NEBL: variants seen among roughly 807,000 people sequenced by gnomAD.
The protein encoded by NEBL is LIM and SH3 protein 2.
A neutral mutation model predicts 140.2 loss-of-function variants in NEBL; 122 were observed. The ratio of observed to expected loss-of-function variants is 0.87; its 90% confidence interval spans 0.75 to 1.01. The LOEUF is 1.01. Among genes scored for constraint, NEBL ranks in the 50% least tolerant of loss-of-function variants. The pLI, the probability that NEBL is intolerant of heterozygous loss-of-function variation, is 0.00. For synonymous variants in NEBL, 436 were observed against 398.9 expected (o/e 1.09, Z -1.11); for missense variants, 1,365 against 1,231.3 (o/e 1.11, Z -1.62).
chr10:20,810,377 A>G (rs1307978486), intron 24 of NEBL, among the ~76,000 whole-genome samples: 2 of 152,192 alleles, frequency 1.3e-5, no homozygotes, highest in Non-Finnish European at 2.9e-5. Flanking sequence ...ACAAAAAAAA[A>G]GTCCCTTTCT....
intron 3 of NEBL, among the ~76,000 whole-genome samples, chr10:21,006,229 G>A (rs143039229): frequency 7.2e-5 from 11 of 152,102 alleles, no homozygotes; most frequent in Non-Finnish European, 1.0e-4. Context: ...TACTACAAAC[G>A]GTGCTGTCAT....
At chr10:20,903,340 G>A (rs1847954970) in intron 4 of NEBL, among the ~76,000 whole-genome samples, 1 of 152,142 alleles carries the variant, frequency 6.6e-6, no homozygotes, top group South Asian at 2.1e-4. Flanking sequence ...GGTCAGAATG[G>A]CTATTACTAA....
At chr10:21,008,034 A>G (rs7079790) in intron 3 of NEBL, among the ~76,000 whole-genome samples, 41,206 of 152,136 alleles carry the variant, frequency 0.27, 10,904 homozygotes, top group African/African-American at 0.67. Flanking sequence ...CATAACAAAA[A>G]AGAAAAGACA....
At chr10:20,818,259 TCAA>T (rs1352520828) in intron 20 of NEBL, among the ~76,000 whole-genome samples, 2 of 131,692 alleles carry the variant, frequency 1.5e-5, no homozygotes, top group African/African-American at 5.6e-5. Context: ...TGGTGAAAGT[TCAA>T]CAATATGTTC....
intron 14 of NEBL, among the ~76,000 whole-genome samples, chr10:20,832,236 C>A (rs1251534276): frequency 6.6e-5 from 10 of 152,222 alleles, no homozygotes; most frequent in Admixed American, 6.5e-4. Flanking sequence ...ATCACCCACA[C>A]TGCAGAATTG....
At chr10:21,235,484 T>G (rs1842335975) in intron 3 of NEBL, among the ~76,000 whole-genome samples, 1 of 152,086 alleles carries the variant, frequency 6.6e-6, no homozygotes, top group Non-Finnish European at 1.5e-5. Context: ...CCAGCTAATT[T>G]TTGTATTGTT....
intron 24 of NEBL, among the ~76,000 whole-genome samples, chr10:20,811,003 A>C (rs1838084960): frequency 6.6e-6 from 1 of 152,206 alleles, no homozygotes; most frequent in African/African-American, 2.4e-5. Context: ...TCCAACAAAA[A>C]TAGAAGCAGC....
chr10:21,249,134 T>C (rs1842555171), intron 2 of NEBL, among the ~76,000 whole-genome samples: 1 of 152,166 alleles, frequency 6.6e-6, no homozygotes, highest in Non-Finnish European at 1.5e-5. Flanking sequence ...TCTGAAGTGA[T>C]CCTGCCACCT....
At chr10:21,101,691 C>T (rs1259202879) in intron 2 of NEBL, among the ~76,000 whole-genome samples, 1 of 152,170 alleles carries the variant, frequency 6.6e-6, no homozygotes, top group Non-Finnish European at 1.5e-5. Flanking sequence ...TGTACCCCCA[C>T]AATTTATGTT....
chr10:20,884,029 T>C (rs900651538), intron 4 of NEBL, among the ~76,000 whole-genome samples: 4 of 152,236 alleles, frequency 2.6e-5, no homozygotes, highest in Non-Finnish European at 4.4e-5. Context: ...CCTAGATTAA[T>C]GCTGTTTTCT....
chr10:20,834,685 G>A (rs1429215810), intron 14 of NEBL, among the ~76,000 whole-genome samples: 1 of 152,170 alleles, frequency 6.6e-6, no homozygotes, highest in African/African-American at 2.4e-5. Context: ...CTTGAGATAA[G>A]TGAACAGGAC....
At chr10:21,262,595 A>G (rs1842753131) in intron 1 of NEBL, among the ~76,000 whole-genome samples, 1 of 152,198 alleles carries the variant, frequency 6.6e-6, no homozygotes, top group Admixed American at 6.5e-5. Flanking sequence ...ATAGGGCTGA[A>G]TTTTCTCTCA....
chr10:21,131,125 CATTT>C (rs1215966528), intron 2 of NEBL, among the ~76,000 whole-genome samples: 1 of 152,126 alleles, frequency 6.6e-6, no homozygotes, highest in Non-Finnish European at 1.5e-5. Context: ...TATGCTCACA[CATTT>C]ATTAACCAAG....
chr10:20,818,870 A>C (rs1415729417), intron 20 of NEBL: 1 of 989,798 alleles, frequency 1.0e-6, no homozygotes, highest in African/African-American at 1.7e-5. Context: ...ACATCCAAAA[A>C]TGCAGAGGGT....
chr10:21,284,467 T>C (rs888820082), intron 1 of NEBL, among the ~76,000 whole-genome samples: 7 of 150,062 alleles, frequency 4.7e-5, no homozygotes, highest in African/African-American at 1.7e-4. Flanking sequence ...CTTATTTCTC[T>C]TCTTAAATCC....
chr10:20,853,923 T>C (rs1459030445), intron 9 of NEBL, among the ~76,000 whole-genome samples: 1 of 152,176 alleles, frequency 6.6e-6, no homozygotes, highest in Non-Finnish European at 1.5e-5. Context: ...CGACAAATGC[T>C]TGAACTGATG....
intron 4 of NEBL, among the ~76,000 whole-genome samples, chr10:20,950,810 T>C (rs1172579653): frequency 6.6e-6 from 1 of 152,210 alleles, no homozygotes; most frequent in Non-Finnish European, 1.5e-5. Flanking sequence ...ATTGATTCTA[T>C]CAAAAATGAC....
At chr10:20,822,854 C>T (rs181060789) in intron 19 of NEBL, among the ~76,000 whole-genome samples, 75 of 152,142 alleles carry the variant, frequency 4.9e-4, no homozygotes, top group African/African-American at 1.7e-3. Flanking sequence ...TGCATAGTGG[C>T]GATGTCTGGG....
chr10:21,056,114 G>A lies in NEBL; in HGVS notation c.165-35913C>T, dbSNP rs532186043. ...ACACAGGCTAGACACTAGGTCAGAT[G>A]TCTCTGCATCATGATGTAGGATGAT... On this transcript the variant is annotated intron_variant, in intron 2 of 6. Transcript: ENST00000417816. 3.9e-5 allele frequency among the ~76,000 whole-genome samples: 6 copies of A among 152,320 alleles called. No homozygotes were observed. The South Asian group carries it at 1.2e-3, about 32-fold the overall frequency.
Sources: gnomAD v4.1 joint callset for allele counts (sites outside exome capture counted in the v4.1 genomes callset) on GRCh38, gnomAD v4.1.1 for gene constraint, MANE v1.5 for transcripts, NCBI Gene and HGNC (gene_info 2026-07-23, HGNC 2026-07-21) for gene names.